The following AKAP7 variants were observed in gnomAD, a reference collection of about 807,000 sequenced individuals.
AKAP7 encodes A-kinase anchoring protein 7.
A neutral mutation model predicts 39.5 loss-of-function variants in AKAP7; 39 were observed. The ratio of observed to expected loss-of-function variants is 0.99; its 90% CI spans 0.76 to 1.29. The LOEUF is 1.29. Ranked by LOEUF, AKAP7 falls within the 50% of genes most tolerant of loss-of-function variation. The pLI, the probability that AKAP7 is intolerant of heterozygous loss-of-function variation, is 0.00. For missense variants in AKAP7, 414 were observed against 407.7 expected, an observed-to-expected ratio of 1.02 and a Z score of -0.13; for synonymous variants, 140 against 139.1, an observed-to-expected ratio of 1.01 and a Z score of -0.05.
intron 5 of AKAP7, among the ~76,000 whole-genome samples, chr6:131,189,692 T>C (rs1218594332): frequency 1.3e-5 from 2 of 152,254 alleles, no homozygotes; most frequent in African/African-American, 4.8e-5. Context: ...AAGCTGTATT[T>C]GTTAGGGTTA....
chr6:131,270,172 A>G (rs1157364547), intron 7 of AKAP7, among the ~76,000 whole-genome samples: 1 of 152,188 alleles, frequency 6.6e-6, no homozygotes, highest in African/African-American at 2.4e-5. Flanking sequence ...TAGCACCACA[A>G]TCAAGATTGT....
intron 4 of AKAP7, among the ~76,000 whole-genome samples, chr6:131,167,134 GT>G (rs1216184234): frequency 6.6e-6 from 1 of 151,994 alleles, no homozygotes; most frequent in African/African-American, 2.4e-5. Flanking sequence ...TGAGAATTTC[GT>G]TTCTTATATG....
chr6:131,236,950 G>C (rs1811123321), intron 7 of AKAP7, among the ~76,000 whole-genome samples: 1 of 152,158 alleles, frequency 6.6e-6, no homozygotes, highest in Non-Finnish European at 1.5e-5. Flanking sequence ...ATGTTGAACA[G>C]GAGTGGTGAG....
intron 5 of AKAP7, chr6:131,184,672 C>T: frequency 5.2e-6 from 4 of 774,428 alleles, no homozygotes; most frequent in Non-Finnish European, 9.6e-6. Context: ...GTTCCCCAGG[C>T]AGAAGTTACA....
intron 7 of AKAP7, among the ~76,000 whole-genome samples, chr6:131,264,899 A>G (rs1021521675): frequency 6.6e-6 from 1 of 152,044 alleles, no homozygotes; most frequent in Non-Finnish European, 1.5e-5. Flanking sequence ...TTCTTAAACA[A>G]CCAGATCTCA....
intron 7 of AKAP7, among the ~76,000 whole-genome samples, chr6:131,261,766 G>T (rs535115913): frequency 6.6e-6 from 1 of 152,070 alleles, no homozygotes; most frequent in Non-Finnish European, 1.5e-5. Flanking sequence ...GTCTTAGTCC[G>T]CTGTAAATAA....
At position 131,281,834 on chromosome 6, in the gene AKAP7, A is replaced by G. The variant is rs927948823; in HGVS notation, c.*108A>G. The stretch of plus-strand genomic sequence containing the variant: ...TGTTTAAGTTAAGTTTCTCTGGTGC[A>G]ATCTGTGAAGATTGCCTAATACTTT... On this transcript the variant is annotated 3_prime_UTR_variant, in exon 8 of 8. Coordinates refer to ENST00000431975, the MANE Select transcript of AKAP7 (RefSeq NM_016377.4). This position sits in a 1 kb window ranked among gnomAD's most constrained non-coding sequence, Gnocchi z 4.0. 3.0e-6 allele frequency: 4 copies of G among 1,344,754 alleles called. No individual in the cohort carries two copies. The highest frequency in any genetic ancestry group is 1.5e-5 in the African/African-American group (1 of 66,578). 83.3% of individuals were successfully genotyped at this position (1,344,754 alleles called of 1,614,324 possible).
At chr6:131,244,618 A>G (rs757791325) in intron 7 of AKAP7, among the ~76,000 whole-genome samples, 5 of 152,238 alleles carry the variant, frequency 3.3e-5, no homozygotes, top group South Asian at 2.1e-4. Context: ...TGGGCCACAC[A>G]CATAGAAAAG....
intron 5 of AKAP7, among the ~76,000 whole-genome samples, chr6:131,197,876 G>A (rs985866992): frequency 6.6e-6 from 1 of 152,198 alleles, no homozygotes; most frequent in Admixed American, 6.5e-5. Flanking sequence ...TATGGAGGCT[G>A]TGAAGGCCCC....
At chr6:131,219,481 T>C (rs1001378057) in intron 6 of AKAP7, among the ~76,000 whole-genome samples, 180 bp from the exon 7 acceptor site, 1 of 152,056 alleles carries the variant, frequency 6.6e-6, no homozygotes, top group African/African-American at 2.4e-5. Flanking sequence ...TCCTTCTAGG[T>C]AGGGAGACTT....
At chr6:131,216,594 C>T (rs988386304) in intron 6 of AKAP7, among the ~76,000 whole-genome samples, 3 of 152,304 alleles carry the variant, frequency 2.0e-5, no homozygotes, top group African/African-American at 4.8e-5. Context: ...GTGACTGAAA[C>T]TAGGCTAAAG....
At chr6:131,174,979 AT>A (rs66784894) in intron 5 of AKAP7, among the ~76,000 whole-genome samples, 4,041 of 152,284 alleles carry the variant, frequency 0.027, 181 homozygotes, top group African/African-American at 0.093. Context: ...ATAGTCTACT[AT>A]TGACTGAAAG....
At chr6:131,160,274 C>G in intron 3 of AKAP7, 76 bp downstream of exon 3, 2 of 1,446,932 alleles carry the variant, frequency 1.4e-6, no homozygotes, top group Non-Finnish European at 1.9e-6. Context: ...CTTATTAGCC[C>G]ACTTGCTCTT....
Position 131,281,786 on chromosome 6 carries a change from C to T in AKAP7, c.*60C>T, listed in dbSNP as rs1815220617. On this transcript the variant is annotated 3_prime_UTR_variant, in exon 8 of 8. Coordinates refer to ENST00000431975, the MANE Select transcript of AKAP7 (RefSeq NM_016377.4). This position sits in a 1 kb window ranked among gnomAD's most constrained non-coding sequence, Gnocchi z 4.0. ...GCCTCCCTGCTTCCCTCTGCTGAGT[C>T]TAGGGACTGACTTGCAGCGTGCTGT... is the stretch of plus-strand genomic sequence containing the variant. 1 of 1,469,648 alleles carries T rather than the reference C, an allele frequency of 6.8e-7. No homozygotes were observed. The highest frequency in any genetic ancestry group is 9.0e-7 in the Non-Finnish European group (1 of 1,109,590). 91.0% of individuals were successfully genotyped at this position (1,469,648 alleles called of 1,614,324 possible).
intron 5 of AKAP7, chr6:131,185,423 T>C: frequency 2.0e-6 from 1 of 490,446 alleles, no homozygotes; most frequent in Non-Finnish European, 3.8e-6. Context: ...GTGGCCCTGC[T>C]CCATGGCATC....
chr6:131,176,277 TC>T (rs1055662129), intron 5 of AKAP7, among the ~76,000 whole-genome samples: 32 of 150,546 alleles, frequency 2.1e-4, no homozygotes, highest in Non-Finnish European at 4.3e-4. Flanking sequence ...CCTTGAGTGA[TC>T]CTGTGTGTTT....
At chr6:131,187,976 C>G (rs1167620691) in intron 5 of AKAP7, among the ~76,000 whole-genome samples, 2 of 152,140 alleles carry the variant, frequency 1.3e-5, no homozygotes, top group Non-Finnish European at 2.9e-5. Flanking sequence ...AGTGATGTGT[C>G]TAGGAGCACA....
At chr6:131,248,236 A>G (rs1222225827) in intron 7 of AKAP7, among the ~76,000 whole-genome samples, 1 of 152,180 alleles carries the variant, frequency 6.6e-6, no homozygotes, top group African/African-American at 2.4e-5. Flanking sequence ...TGCAATGCAA[A>G]TTAAAAGCTT....
At chr6:131,241,681 T>C (rs1246153152) in intron 7 of AKAP7, among the ~76,000 whole-genome samples, 1 of 140,008 alleles carries the variant, frequency 7.1e-6, no homozygotes, top group Non-Finnish European at 1.6e-5. Context: ...TAGTTCAAGC[T>C]ATGGGTATGA....
Sources: allele counts gnomAD v4.1 joint callset (sites outside exome capture counted in the v4.1 genomes callset), GRCh38; gene constraint gnomAD v4.1.1; non-coding constraint Gnocchi (gnomAD v3.1); transcripts MANE v1.5; gene names NCBI Gene and HGNC (gene_info 2026-07-23, HGNC 2026-07-21).